The following MYO18B variants were observed in gnomAD, a reference collection of about 807,000 sequenced individuals.
MYO18B encodes unconventional myosin-XVIIIb.
Under a neutral mutation model 273.0 loss-of-function variants are expected in MYO18B, and 204 were observed. The observed-to-expected ratio is 0.75, with a 90% confidence interval of 0.67 to 0.84. The LOEUF is 0.84. Among genes scored for constraint, MYO18B ranks in the 40% least tolerant of loss-of-function variants. The probability of loss-of-function intolerance (pLI) is 0.00; values close to 1 mark genes in which losing one functional copy is unlikely to be tolerated. For synonymous variants in MYO18B, 1,330 were observed against 1,305.7 expected, an observed-to-expected ratio of 1.02 and a Z score of -0.40; for missense variants, 3,212 against 3,287.6, an observed-to-expected ratio of 0.98 and a Z score of 0.56.
At chr22:26,037,200 T>G in the MYO18B span, among the ~76,000 whole-genome samples, 4 of 152,144 alleles carry the variant, frequency 2.6e-5, no homozygotes, top group Admixed American at 6.5e-5. Flanking sequence ...TAGGCTTGGG[T>G]TTACTCCTGG....
At chr22:26,008,211 G>A (rs543229824) in intron 42 of MYO18B, among the ~76,000 whole-genome samples, 1 of 152,062 alleles carries the variant, frequency 6.6e-6, no homozygotes, top group South Asian at 2.1e-4. Flanking sequence ...TCACTTTTAG[G>A]TGCTTTCCAG....
At position 25,762,803 on chromosome 22, in the gene MYO18B, T is replaced by C. The variant is rs553598063; in HGVS notation, c.40-428T>C. ...GTGATTAATTGGTTCATCTATTATA[T>C]TAACTATAAGCTGAGGGGGACCAGG... On this transcript the variant is annotated intron_variant, in intron 2 of 43. Coordinates refer to ENST00000335473, the MANE Select transcript of MYO18B (RefSeq NM_032608.7). Among the ~76,000 whole-genome samples, 8 of 152,370 alleles carry C rather than the reference T, an allele frequency of 5.3e-5. No homozygotes were observed. The East Asian group carries it at 1.5e-3, about 29-fold the overall frequency.
chr22:25,824,442 G>T (rs1213391222), intron 13 of MYO18B, among the ~76,000 whole-genome samples: 1 of 152,168 alleles, frequency 6.6e-6, no homozygotes, highest in Non-Finnish European at 1.5e-5. Flanking sequence ...GCTTTGAACT[G>T]CCGTGGGGGA....
chr22:25,846,070 C>CT, intron 18 of MYO18B, 30 bp from the exon 19 acceptor site: 1 of 1,484,228 alleles, frequency 6.7e-7, no homozygotes, highest in Non-Finnish European at 8.9e-7. Context: ...CCTCCTAAAG[C>CT]TCCTCTCTCT....
chr22:25,863,719 A>G (rs1287909717), intron 21 of MYO18B, among the ~76,000 whole-genome samples: 1 of 152,220 alleles, frequency 6.6e-6, no homozygotes, highest in African/African-American at 2.4e-5. Context: ...GCATTCAGGC[A>G]GTTCCCAGTT....
At chr22:25,818,901 G>A (rs546470710) in intron 12 of MYO18B, among the ~76,000 whole-genome samples, 23 of 152,092 alleles carry the variant, frequency 1.5e-4, no homozygotes, top group Non-Finnish European at 3.2e-4. Flanking sequence ...GACAAACTGA[G>A]TCTCAAAAAG....
chr22:25,816,748 C>T (rs1449176096), intron 12 of MYO18B, among the ~76,000 whole-genome samples: 3 of 152,184 alleles, frequency 2.0e-5, no homozygotes, highest in South Asian at 2.1e-4. Context: ...CAACATCACG[C>T]GGCTGTAAGC....
chr22:25,879,921 G>A (rs9613032), intron 25 of MYO18B, among the ~76,000 whole-genome samples: 12,002 of 152,156 alleles, frequency 0.079, 636 homozygotes, highest in Middle Eastern at 0.12. Context: ...CAGATCTTGT[G>A]GGAACGCACT....
intron 11 of MYO18B, among the ~76,000 whole-genome samples, chr22:25,788,923 G>A (rs564506640): frequency 7.9e-5 from 12 of 152,074 alleles, no homozygotes; most frequent in Admixed American, 1.3e-4. Flanking sequence ...TTTCCTTTTC[G>A]AAAACTAGGA....
At chr22:25,819,241 C>T (rs1033472260) in intron 12 of MYO18B, among the ~76,000 whole-genome samples, 3 of 152,226 alleles carry the variant, frequency 2.0e-5, no homozygotes, top group African/African-American at 7.2e-5. Flanking sequence ...AAATATCCCC[C>T]CTAGGTCAGG....
chr22:25,842,672 CAAAAAAAAAAAAA>C (rs695584), intron 17 of MYO18B, among the ~76,000 whole-genome samples: 1 of 64,584 alleles, frequency 1.5e-5, no homozygotes, highest in Non-Finnish European at 3.6e-5. Flanking sequence ...AACTCCGTCT[CAAAAAAAAAAAAA>C]AAAAAAAAAT....
chr22:25,814,623 C>A (rs1211965095), intron 12 of MYO18B, among the ~76,000 whole-genome samples: 4 of 152,108 alleles, frequency 2.6e-5, no homozygotes, highest in Admixed American at 2.0e-4. Context: ...TTACCAGATA[C>A]CCTATTCACC....
intron 12 of MYO18B, among the ~76,000 whole-genome samples, chr22:25,814,337 T>TTTTTTTC (rs2088908429): frequency 1.0e-5 from 1 of 98,846 alleles, no homozygotes; most frequent in Non-Finnish European, 2.0e-5. Context: ...TTTTTTTTTT[T>TTTTTTTC]GAGACAGAGT....
intron 42 of MYO18B, among the ~76,000 whole-genome samples, chr22:26,008,541 A>T (rs1177996170): frequency 2.0e-5 from 3 of 152,232 alleles, no homozygotes. Flanking sequence ...CATTATTTAT[A>T]AGGGGACGTC....
the MYO18B span, among the ~76,000 whole-genome samples, chr22:26,041,200 C>T: frequency 0.099 from 15,005 of 151,226 alleles, 871 homozygotes; most frequent in Middle Eastern, 0.17. Flanking sequence ...ATTTTATGTG[C>T]GGTCCAAGAC....
chr22:25,794,488 G>GTTA, intron 11 of MYO18B, among the ~76,000 whole-genome samples: 1 of 147,384 alleles, frequency 6.8e-6, no homozygotes, highest in Admixed American at 6.7e-5. Context: ...AGCTGGCCAT[G>GTTA]TTATTATTAT....
intron 33 of MYO18B, among the ~76,000 whole-genome samples, chr22:25,920,486 C>G (rs999118620): frequency 2.6e-5 from 4 of 152,118 alleles, no homozygotes; most frequent in African/African-American, 9.7e-5. Flanking sequence ...CTCCTGGTGC[C>G]CAGTCCAGGA....
intron 21 of MYO18B, among the ~76,000 whole-genome samples, chr22:25,859,902 G>A (rs2090681218): frequency 6.6e-6 from 1 of 152,050 alleles, no homozygotes; most frequent in South Asian, 2.1e-4. Context: ...ATCTAAGAAC[G>A]CTTTACCTAC....
intron 39 of MYO18B, among the ~76,000 whole-genome samples, chr22:25,972,557 A>G (rs1178619009): frequency 6.6e-6 from 1 of 152,212 alleles, no homozygotes; most frequent in Non-Finnish European, 1.5e-5. Flanking sequence ...CTTTTTAACA[A>G]GGTCCCAGGT....
Sources: gnomAD v4.1 joint callset for allele counts (sites outside exome capture counted in the v4.1 genomes callset) on GRCh38, gnomAD v4.1.1 for gene constraint, MANE v1.5 for transcripts, NCBI Gene and HGNC (gene_info 2026-07-23, HGNC 2026-07-21) for gene names.